NPFFR1: variants seen among roughly 807,000 people sequenced by gnomAD.
NPFFR1 encodes the protein neuropeptide FF receptor 1.
In NPFFR1, 17 loss-of-function variants were observed where a neutral mutation model predicts 12.7. The observed-to-expected ratio is 1.34, with a 90% confidence interval of 0.92 to 2.01. The LOEUF is 2.01. NPFFR1 is among the 30% of genes most tolerant of loss of function. The pLI is 0.00. For synonymous variants in NPFFR1, 296 were observed against 264.5 expected, an observed-to-expected ratio of 1.12 and a Z score of -1.16; for missense variants, 604 against 606.5, an observed-to-expected ratio of 1.00 and a Z score of 0.04.
chr10:70,271,849 G>T (rs1318449220), intron 1 of NPFFR1, among the ~76,000 whole-genome samples: 1 of 152,084 alleles, frequency 6.6e-6, no homozygotes, highest in South Asian at 2.1e-4. Context: ...GGGCGCGGTG[G>T]CTCACACCTG....
chr10:70,280,660 T>G (rs1274265227), intron 1 of NPFFR1, among the ~76,000 whole-genome samples: 1 of 152,206 alleles, frequency 6.6e-6, no homozygotes, highest in Non-Finnish European at 1.5e-5. Context: ...GAACAATACA[T>G]TATTTTCTTT....
intron 1 of NPFFR1, among the ~76,000 whole-genome samples, chr10:70,275,621 T>C (rs1021815644): frequency 6.6e-6 from 1 of 152,062 alleles, no homozygotes; most frequent in African/African-American, 2.4e-5. Context: ...AGAAATGTCT[T>C]AGGGGTAGAA....
intron 1 of NPFFR1, among the ~76,000 whole-genome samples, chr10:70,280,959 G>C (rs191327750): frequency 6.6e-6 from 1 of 152,132 alleles, no homozygotes; most frequent in Non-Finnish European, 1.5e-5. Context: ...CCGAGAACAC[G>C]CCACTGCACT....
chr10:70,256,185 C>T (rs902423259), intron 3 of NPFFR1, among the ~76,000 whole-genome samples: 22 of 151,926 alleles, frequency 1.4e-4, no homozygotes, highest in Admixed American at 1.3e-3. Flanking sequence ...GTGATCCTCT[C>T]CTCCCACCTC....
chr10:70,262,701 T>A (rs188228145), intron 2 of NPFFR1, among the ~76,000 whole-genome samples: 1 of 152,340 alleles, frequency 6.6e-6, no homozygotes, highest in East Asian at 1.9e-4. Context: ...ATCAGAGGTA[T>A]CAGTCTGAAC....
intron 1 of NPFFR1, among the ~76,000 whole-genome samples, chr10:70,280,501 A>T (rs1037146811): frequency 6.6e-6 from 1 of 152,150 alleles, no homozygotes; most frequent in Non-Finnish European, 1.5e-5. Flanking sequence ...GCATTTTTTC[A>T]TATACCTGTT....
At chr10:70,280,402 G>A (rs183636241) in intron 1 of NPFFR1, among the ~76,000 whole-genome samples, 1 of 152,160 alleles carries the variant, frequency 6.6e-6, no homozygotes, top group Non-Finnish European at 1.5e-5. Context: ...CTTATCTTTC[G>A]TCTTTTTGGT....
chr10:70,266,048 C>T (rs752189599), intron 2 of NPFFR1, 29 bp downstream of exon 2: 12 of 1,597,036 alleles, frequency 7.5e-6, no homozygotes, highest in Middle Eastern at 1.9e-4. Context: ...GGGTAGGGGA[C>T]ACTCCTGCTG....
At position 70,255,223 on chromosome 10, in the gene NPFFR1, C is replaced by T; in HGVS notation, c.1027G>A (p.Ala343Thr). ...NENFRRGFQA[A>T]FRARLCPRPS... ...CGCGGGCAGAGGCGGGCGCGGAAGG[C>T]GGCCTGGAAGCCGCGGCGGAAGTTC... Residue 343 changes from alanine (A) to threonine (T), a missense_variant, in exon 4 of 4, where the codon GCC becomes ACC. Physicochemically the swap from Ala to Thr is moderately conservative, Grantham distance 58. Coordinates refer to ENST00000277942, the MANE Select transcript of NPFFR1 (RefSeq NM_022146.5). This position sits in a 1 kb window ranked among gnomAD's most constrained non-coding sequence, Gnocchi z 4.2. 12 of 1,550,772 alleles carry T rather than the reference C, an allele frequency of 7.7e-6. No homozygotes were observed. The highest frequency in any genetic ancestry group is 1.0e-5 in the Non-Finnish European group (12 of 1,152,596).
At position 70,266,258 on chromosome 10, in the gene NPFFR1, A is replaced by C; in HGVS notation, c.141T>G (p.Ile47Met). 1 of 1,613,988 alleles carries C rather than the reference A, an allele frequency of 6.2e-7. No individual in the cohort carries two copies. Among genetic ancestry groups the C allele is most frequent in the South Asian group, 1.1e-5 (1 of 91,080 alleles). Residue 47 changes from isoleucine (I) to methionine (M), a missense_variant, in exon 2 of 4, where the codon ATT becomes ATG. Coordinates refer to ENST00000277942, the MANE Select transcript of NPFFR1 (RefSeq NM_022146.5). ...QHTSPVAAMF[I>M]VAYALIFLLC... Reference sequence around the variant, plus strand: ...GCAGGAAGATGAGCGCATAGGCCACAATGAACATGGCCGCCACAGGGGAGG... The same window carrying C: ...GCAGGAAGATGAGCGCATAGGCCACCATGAACATGGCCGCCACAGGGGAGG...
In NPFFR1 at chr10:70,249,326, G is replaced by A. The variant is rs1287388268; in HGVS notation, c.*5631C>T. 6.6e-6 allele frequency: 1 copy of A among 151,054 alleles called. No individual in the cohort carries two copies. Among genetic ancestry groups the A allele is most frequent in the African/African-American group, 2.4e-5 (1 of 41,096 alleles). The allele number at this position is 151,054 out of a possible 1,614,324, so 9.4% of individuals were successfully genotyped here. A position where few individuals can be genotyped will look rare whatever the true frequency, so the allele number is the denominator to read the frequency against. ...AGGCAGGAGAATCGCTTGAACCTAG[G>A]AGGCAAAGGTTGCAGTGAGCCAAAA... is the stretch of plus-strand genomic sequence containing the variant. On this transcript the variant is annotated 3_prime_UTR_variant, in exon 4 of 4. Transcript: ENST00000277942.
chr10:70,266,426 G>A, intron 1 of NPFFR1, 35 bp from the exon 2 acceptor site: 1 of 1,530,630 alleles, frequency 6.5e-7, no homozygotes, highest in South Asian at 1.2e-5. Flanking sequence ...CAGGACCTTA[G>A]GCAAAGAAGA....
Position 70,248,468 on chromosome 10 carries a change from T to A in NPFFR1, c.*6489A>T, listed in dbSNP as rs570462010. On this transcript the variant is annotated 3_prime_UTR_variant, in exon 4 of 4. Transcript: ENST00000277942. ...AAAGTACGTAGTACTATGCCTGGCG[T>A]TTTTTTTTTGTTTTTTGTTTTTTTT... 4.1e-5 allele frequency: 1 copy of A among 24,114 alleles called. No individual in the cohort carries two copies. The highest frequency in any genetic ancestry group is 1.8e-4 in the Non-Finnish European group (1 of 5,464). The allele number at this position is 24,114 out of a possible 1,614,324, so 1.5% of individuals were successfully genotyped here.
In NPFFR1 at chr10:70,250,968, T is replaced by C. The variant is rs1333291034; in HGVS notation, c.*3989A>G. Reference sequence around the variant, plus strand: ...GCGGTAGGATTTTGGGTGCTTTTCATTTTCTTGTCTTTGCTTATTGAAATC... The same window carrying C: ...GCGGTAGGATTTTGGGTGCTTTTCACTTTCTTGTCTTTGCTTATTGAAATC... On this transcript the variant is annotated 3_prime_UTR_variant, in exon 4 of 4. Transcript: ENST00000277942. 1 of 152,232 alleles carries C rather than the reference T, an allele frequency of 6.6e-6. No homozygotes were observed. Among genetic ancestry groups the C allele is most frequent in the African/African-American group, 2.4e-5 (1 of 41,456 alleles). 9.4% of individuals were successfully genotyped at this position (152,232 alleles called of 1,614,324 possible).
At position 70,252,599 on chromosome 10, in the gene NPFFR1, A is replaced by G. The variant is rs1840521737; in HGVS notation, c.*2358T>C. The G allele has an allele frequency of 6.6e-6, 1 of 152,254 alleles. No homozygotes were observed. Among genetic ancestry groups the G allele is most frequent in the South Asian group, 2.1e-4 (1 of 4,832 alleles). The allele number at this position is 152,254 out of a possible 1,614,324, so 9.4% of individuals were successfully genotyped here. A position where few individuals can be genotyped will look rare whatever the true frequency, so the allele number is the denominator to read the frequency against. ...CATACCCACAATGTCTCACTGCTTC[A>G]TTAAAGCATTGTCATGCCTGTTATC... On this transcript the variant is annotated 3_prime_UTR_variant, in exon 4 of 4. Coordinates refer to ENST00000277942, the MANE Select transcript of NPFFR1 (RefSeq NM_022146.5).
At chr10:70,261,418 C>T (rs1840632268) in intron 2 of NPFFR1, among the ~76,000 whole-genome samples, 1 of 152,172 alleles carries the variant, frequency 6.6e-6, no homozygotes, top group Non-Finnish European at 1.5e-5. Context: ...GTCCTTATAG[C>T]AGCATGAGAA....
At chr10:70,257,190 G>T (rs1935897270) in intron 3 of NPFFR1, among the ~76,000 whole-genome samples, 5 of 152,206 alleles carry the variant, frequency 3.3e-5, no homozygotes, top group Admixed American at 2.0e-4. Context: ...GAGTCCAGGA[G>T]TGTAGGGAAA....
intron 1 of NPFFR1, among the ~76,000 whole-genome samples, chr10:70,268,631 G>A (rs1316473373): frequency 6.6e-6 from 1 of 152,114 alleles, no homozygotes; most frequent in Non-Finnish European, 1.5e-5. Flanking sequence ...CCATTGGCTG[G>A]GATGTCTCAG....
chr10:70,270,297 C>T (rs1412586376), intron 1 of NPFFR1, among the ~76,000 whole-genome samples: 2 of 152,170 alleles, frequency 1.3e-5, no homozygotes, highest in Admixed American at 6.5e-5. Context: ...GGAAGGCCTT[C>T]TCCAGGCCCC....
Sources: allele counts gnomAD v4.1 joint callset (sites outside exome capture counted in the v4.1 genomes callset), GRCh38; gene constraint gnomAD v4.1.1; non-coding constraint Gnocchi (gnomAD v3.1); transcripts MANE v1.5; gene names NCBI Gene and HGNC (gene_info 2026-07-23, HGNC 2026-07-21).